Variants in ATP6V1C2 observed in about 807,000 individuals in gnomAD.
ATP6V1C2 encodes the protein V-type proton ATPase subunit C 2.
A neutral mutation model predicts 56.8 loss-of-function variants in ATP6V1C2; 45 were observed. The ratio of observed to expected loss-of-function variants is 0.79; its 90% CI spans 0.62 to 1.02. ATP6V1C2 has a LOEUF of 1.02. Ranked by LOEUF, ATP6V1C2 falls within the 50% of genes least tolerant of loss-of-function variation. The pLI is 0.00. For synonymous variants in ATP6V1C2, 220 were observed against 201.3 expected, an observed-to-expected ratio of 1.09 and a Z score of -0.79; for missense variants, 463 against 519.7, an observed-to-expected ratio of 0.89 and a Z score of 1.06.
At chr2:10,741,373 TAGAG>T (rs573506498) in intron 3 of ATP6V1C2, among the ~76,000 whole-genome samples, 71 of 152,098 alleles carry the variant, frequency 4.7e-4, no homozygotes, top group Non-Finnish European at 9.0e-4. Flanking sequence ...GAGGAGGAAG[TAGAG>T]AGACAAAGGA....
chr2:10,778,541 C>G, intron 11 of ATP6V1C2, 31 bp from the exon 12 acceptor site: 6 of 1,605,882 alleles, frequency 3.7e-6, no homozygotes, highest in Non-Finnish European at 5.1e-6. Context: ...GGGTGTTCAG[C>G]AGGGGTCACC....
At chr2:10,728,101 A>G (rs1278233360) in intron 3 of ATP6V1C2, among the ~76,000 whole-genome samples, 2 of 152,146 alleles carry the variant, frequency 1.3e-5, no homozygotes, top group African/African-American at 4.8e-5. Context: ...TGTTTTTTGC[A>G]GACAGGGTCT....
chr2:10,732,254 ACTCTTTCTCTCT>A (rs1377745483), intron 3 of ATP6V1C2, among the ~76,000 whole-genome samples: 1 of 137,752 alleles, frequency 7.3e-6, no homozygotes, highest in African/African-American at 2.7e-5. Context: ...TCTTTCTCTC[ACTCTTTCTCTCT>A]TTCTTTCTTT....
chr2:10,762,532 C>T (rs762422370), intron 4 of ATP6V1C2, among the ~76,000 whole-genome samples: 2 of 152,156 alleles, frequency 1.3e-5, no homozygotes, highest in Non-Finnish European at 2.9e-5. Flanking sequence ...TTGTCACCGT[C>T]GTCGTCCTGT....
Position 10,782,480 on chromosome 2 carries a change from A to C in ATP6V1C2, c.1194+105A>C, listed in dbSNP as rs557394191. The C allele has an allele frequency of 2.8e-5, 37 of 1,329,670 alleles. No individual in the cohort carries two copies. In the African/African-American group the frequency reaches 5.4e-4, roughly 19 times the overall value. The allele number at this position is 1,329,670 out of a possible 1,614,324, so 82.4% of individuals were successfully genotyped here. ...CAACACTTTGGGAGGTAGGTGGATCACTTGAGGTCAAGGGTTTGAGACCAG... is the reference window on the plus strand; with the variant it reads ...CAACACTTTGGGAGGTAGGTGGATCCCTTGAGGTCAAGGGTTTGAGACCAG... On this transcript the variant is annotated intron_variant, in intron 13 of 13. Transcript: ENST00000272238.
At chr2:10,727,473 T>C (rs955786800) in intron 3 of ATP6V1C2, among the ~76,000 whole-genome samples, 3 of 151,922 alleles carry the variant, frequency 2.0e-5, no homozygotes, top group African/African-American at 7.3e-5. Flanking sequence ...AGAAAAATGC[T>C]TGAACCCAGG....
chr2:10,750,765 T>C (rs1010756070), intron 3 of ATP6V1C2, among the ~76,000 whole-genome samples: 1 of 152,036 alleles, frequency 6.6e-6, no homozygotes, highest in African/African-American at 2.4e-5. Flanking sequence ...ATAGGGGATG[T>C]GGTGATAGGA....
chr2:10,778,620 G>T lies in ATP6V1C2; in HGVS notation c.1012G>T (p.Ala338Ser), dbSNP rs757384282. ...GGTGAACTTCAGTGAAGCCTTCATT[G>T]CCTGGATCCACATCAAGGCCCTGAG... Reference protein sequence around the residue: ...LKVNFSEAFIAWIHIKALRVF... With the variant: ...LKVNFSEAFISWIHIKALRVF... Residue 338 changes from alanine to serine, a missense_variant, in exon 12 of 14, where the codon GCC (alanine) becomes TCC (serine). Physicochemically the swap from Ala to Ser is moderately conservative, Grantham distance 99. Transcript: ENST00000272238. The T allele has an allele frequency of 9.3e-6, 15 of 1,614,202 alleles. No individual in the cohort carries two copies. The highest frequency in any genetic ancestry group is 1.3e-5 in the Non-Finnish European group (15 of 1,180,038).
At position 10,763,969 on chromosome 2, in the gene ATP6V1C2, G is replaced by T. The variant is rs542448755; in HGVS notation, c.284-362G>T. 6.6e-6 allele frequency among the ~76,000 whole-genome samples: 1 copy of T among 152,306 alleles called. No homozygotes were observed. Among genetic ancestry groups the T allele is most frequent in the African/African-American group, 2.4e-5 (1 of 41,562 alleles). ...AAAAAAGGAAATGCTTGAAAACACT[G>T]GTGTGGTCTGTTCCCCAGAGACTTT... On this transcript the variant is annotated intron_variant, in intron 4 of 13. Coordinates refer to ENST00000272238, the MANE Select transcript of ATP6V1C2 (RefSeq NM_001039362.2). This position sits in a 1 kb window ranked among gnomAD's most constrained non-coding sequence, Gnocchi z 4.2.
chr2:10,771,506 A>G (rs1464333239), intron 6 of ATP6V1C2, among the ~76,000 whole-genome samples: 1 of 152,116 alleles, frequency 6.6e-6, no homozygotes, highest in African/African-American at 2.4e-5. Context: ...GCCCCCTCCC[A>G]TAGCAGCCGG....
intron 8 of ATP6V1C2, among the ~76,000 whole-genome samples, chr2:10,774,568 C>T (rs150714310): frequency 2.6e-5 from 4 of 152,340 alleles, no homozygotes; most frequent in African/African-American, 9.6e-5. Flanking sequence ...TCCCTGCACC[C>T]CGAGGCCCCC....
intron 10 of ATP6V1C2, among the ~76,000 whole-genome samples, chr2:10,775,947 G>C (rs779773636): frequency 2.0e-5 from 3 of 152,184 alleles, no homozygotes; most frequent in African/African-American, 4.8e-5. Flanking sequence ...TGTGAACACA[G>C]CACTGTGAGG....
chr2:10,730,607 GT>G (rs60355432), intron 3 of ATP6V1C2, among the ~76,000 whole-genome samples: 7,599 of 118,520 alleles, frequency 0.064, 550 homozygotes, highest in African/African-American at 0.22. Context: ...TTCACAGTGG[GT>G]TTTTTTTTTT....
intron 3 of ATP6V1C2, among the ~76,000 whole-genome samples, chr2:10,737,571 G>C (rs184120064): frequency 6.6e-6 from 1 of 152,238 alleles, no homozygotes; most frequent in Non-Finnish European, 1.5e-5. Context: ...TTTTCATTGC[G>C]TAGCATTGAT....
intron 4 of ATP6V1C2, among the ~76,000 whole-genome samples, chr2:10,754,567 CTTTT>C (rs1558405046): frequency 0.02 from 2,093 of 105,592 alleles, 53 homozygotes; most frequent in African/African-American, 0.058. Flanking sequence ...CTTTTCTTTT[CTTTT>C]CTTTTCTTTT....
At chr2:10,732,743 C>T (rs780210419) in intron 3 of ATP6V1C2, among the ~76,000 whole-genome samples, 12 of 151,674 alleles carry the variant, frequency 7.9e-5, no homozygotes, top group Non-Finnish European at 1.3e-4. Flanking sequence ...GAGGCCGAGG[C>T]GGGTGGATCA....
Position 10,726,622 on chromosome 2 carries a change from G to C in ATP6V1C2, c.197+53G>C. On this transcript the variant is annotated intron_variant, in intron 3 of 13. Coordinates refer to ENST00000272238, the MANE Select transcript of ATP6V1C2 (RefSeq NM_001039362.2). ...AAGTGAGAATTTGACATTGTTGTCA[G>C]AGGACACAGTGTTCTTGCTTTGGCT... is the stretch of plus-strand genomic sequence containing the variant. 11 of 1,492,090 alleles carry C rather than the reference G, an allele frequency of 7.4e-6. No homozygotes were observed. The South Asian group carries it at 1.2e-4, about 17-fold the overall frequency. 92.4% of individuals were successfully genotyped at this position (1,492,090 alleles called of 1,614,324 possible). A position where few individuals can be genotyped will look rare whatever the true frequency, so the allele number is the denominator to read the frequency against.
Position 10,754,078 on chromosome 2 carries a change from G to T in ATP6V1C2, c.283+12G>T. On this transcript the variant is annotated intron_variant, in intron 4 of 13. Coordinates refer to ENST00000272238, the MANE Select transcript of ATP6V1C2 (RefSeq NM_001039362.2). Reference sequence around the variant, plus strand: ...CCTGGCAAACGGAGGTAGGTAGGGCGGCCCTCTGATGTGGAGCACAATCTC... The same window carrying T: ...CCTGGCAAACGGAGGTAGGTAGGGCTGCCCTCTGATGTGGAGCACAATCTC... 1 of 1,588,088 alleles carries T rather than the reference G, an allele frequency of 6.3e-7. No homozygotes were observed. The highest frequency in any genetic ancestry group is 8.6e-7 in the Non-Finnish European group (1 of 1,165,184).
chr2:10,749,546 C>T (rs1205531975), intron 3 of ATP6V1C2, among the ~76,000 whole-genome samples: 2 of 152,044 alleles, frequency 1.3e-5, no homozygotes, highest in South Asian at 2.1e-4. Flanking sequence ...TTCATAATAC[C>T]TGTGTTGGCA....
Sources: gnomAD v4.1 joint callset for allele counts (sites outside exome capture counted in the v4.1 genomes callset) on GRCh38, gnomAD v4.1.1 for gene constraint, Gnocchi (gnomAD v3.1) non-coding constraint, MANE v1.5 for transcripts, NCBI Gene and HGNC (gene_info 2026-07-23, HGNC 2026-07-21) for gene names.